TAF1B: variants seen among roughly 807,000 people sequenced by gnomAD.
TAF1B encodes the protein TATA-box binding protein associated factor, RNA polymerase I subunit B.
Under a neutral mutation model 83.9 loss-of-function variants are expected in TAF1B, and 61 were observed. That is an observed-to-expected ratio of 0.73 (90% CI 0.59 to 0.90). The LOEUF (loss-of-function observed/expected upper bound fraction) is 0.90. Among genes scored for constraint, TAF1B ranks in the 40% least tolerant of loss-of-function variants. TAF1B has a pLI of 0.00. For missense variants in TAF1B, 625 were observed against 677.0 expected (o/e 0.92, Z 0.85); for synonymous variants, 221 against 224.6 (o/e 0.98, Z 0.14).
chr2:9,883,818 T>C (rs1339015373), intron 8 of TAF1B, among the ~76,000 whole-genome samples: 1 of 152,228 alleles, frequency 6.6e-6, no homozygotes, highest in Non-Finnish European at 1.5e-5. Context: ...CCCTGAATAT[T>C]TTGTAAAATA....
At position 9,919,663 on chromosome 2, in the gene TAF1B, A is replaced by C. The variant is rs1665808151; in HGVS notation, c.1408A>C (p.Lys470Gln). ...CGAGTCAACAGCAACTGCTGGAAAA[A>C]AAAGCCCTTCAAGTTTTCAGTTCAA... ...LVESTATAGK[K>Q]SPSSFQFNWT... The change falls in exon 14 of 15, where the codon AAA (lysine) becomes CAA (glutamine). Residue 470 changes from lysine (K) to glutamine (Q), a missense_variant. Physicochemically the swap from Lys to Gln is moderately conservative, Grantham distance 53. Coordinates refer to ENST00000263663, the MANE Select transcript of TAF1B (RefSeq NM_005680.3). 1 of 1,614,104 alleles carries C rather than the reference A, an allele frequency of 6.2e-7. No individual in the cohort carries two copies. The highest frequency in any genetic ancestry group is 1.7e-5 in the Admixed American group (1 of 60,006).
chr2:9,892,981 ACTT>A lies in TAF1B; in HGVS notation c.807+10180_807+10182del, dbSNP rs1353259253. Among the ~76,000 whole-genome samples the A allele has an allele frequency of 2.6e-5, 4 of 152,196 alleles. No individual in the cohort carries two copies. In the East Asian group the frequency reaches 7.7e-4, roughly 29 times the overall value. ...AGGGACAGGGTAAAAAAGCAGAGAG[ACTT>A]CTTAGAGATTTTGGTGGAAGATATA... On this transcript the variant is annotated intron_variant, in intron 8 of 14. Coordinates refer to ENST00000263663, the MANE Select transcript of TAF1B (RefSeq NM_005680.3).
intron 5 of TAF1B, 21 bp downstream of exon 5, chr2:9,854,442 G>A: frequency 6.3e-7 from 1 of 1,583,432 alleles, no homozygotes; most frequent in Non-Finnish European, 8.7e-7. Flanking sequence ...AGTCTGAAAA[G>A]TTGGATTAAA....
chr2:9,845,752 G>A (rs879640265), intron 2 of TAF1B: 3 of 254,420 alleles, frequency 1.2e-5, no homozygotes, highest in Non-Finnish European at 2.3e-5. Flanking sequence ...GGAGGCTAAG[G>A]CAGGTGGATC....
intron 9 of TAF1B, 43 bp downstream of exon 9, chr2:9,905,049 A>C (rs762774094): frequency 1.1e-5 from 17 of 1,534,442 alleles, no homozygotes; most frequent in Non-Finnish European, 1.5e-5. Context: ...TAACTAGTAG[A>C]GTAATAATAA....
At chr2:9,881,115 C>G (rs1413728018) in intron 7 of TAF1B, among the ~76,000 whole-genome samples, 1 of 152,106 alleles carries the variant, frequency 6.6e-6, no homozygotes, top group Admixed American at 6.5e-5. Context: ...AGGCAGATCA[C>G]TTGAGGTCAG....
At chr2:9,866,398 G>A (rs287973) in intron 5 of TAF1B, among the ~76,000 whole-genome samples, 141,193 of 151,340 alleles carry the variant, frequency 0.93, 66,571 homozygotes, top group East Asian at 1. Context: ...ACCATCTCAC[G>A]CCAGTTAGAA....
chr2:9,866,441 T>A (rs62127128), intron 5 of TAF1B, among the ~76,000 whole-genome samples: 27,017 of 150,908 alleles, frequency 0.18, 3,078 homozygotes, highest in East Asian at 0.3. Flanking sequence ...AAACAACAGG[T>A]GCTGGAGAGG....
At chr2:9,864,826 C>G (rs1283958320) in intron 5 of TAF1B, among the ~76,000 whole-genome samples, 1 of 152,076 alleles carries the variant, frequency 6.6e-6, no homozygotes, top group African/African-American at 2.4e-5. Context: ...TAAACAGAAC[C>G]AAAGACAAAA....
intron 14 of TAF1B, among the ~76,000 whole-genome samples, chr2:9,932,090 C>T (rs920137887): frequency 2.6e-5 from 4 of 152,164 alleles, no homozygotes; most frequent in African/African-American, 9.7e-5. Context: ...AGGTTTTTAG[C>T]TTCCTTGCGA....
intron 5 of TAF1B, among the ~76,000 whole-genome samples, chr2:9,866,064 A>G (rs200887342): frequency 0.22 from 32,420 of 147,622 alleles, 2,857 homozygotes; most frequent in East Asian, 0.29. Flanking sequence ...AGCAATGGCA[A>G]CAAAAGCCAA....
intron 5 of TAF1B, among the ~76,000 whole-genome samples, chr2:9,856,074 T>C (rs1378718433): frequency 2.6e-5 from 4 of 152,212 alleles, no homozygotes; most frequent in Non-Finnish European, 5.9e-5. Context: ...GCTTGGGTTC[T>C]CATAGGTTTC....
intron 6 of TAF1B, among the ~76,000 whole-genome samples, chr2:9,871,955 T>A (rs549643159): frequency 1.3e-5 from 2 of 152,266 alleles, no homozygotes; most frequent in South Asian, 4.1e-4. Context: ...TAGAGACCCT[T>A]CTCTCTGGAG....
intron 8 of TAF1B, among the ~76,000 whole-genome samples, chr2:9,886,726 A>G (rs1009683013): frequency 2.0e-5 from 3 of 152,260 alleles, no homozygotes; most frequent in Non-Finnish European, 4.4e-5. Context: ...TATAATAGCC[A>G]TTGTGGCTTA....
chr2:9,859,041 T>G (rs1001167536), intron 5 of TAF1B, among the ~76,000 whole-genome samples: 4 of 152,252 alleles, frequency 2.6e-5, no homozygotes, highest in African/African-American at 9.6e-5. Flanking sequence ...TTTTCCTTTT[T>G]TACCTTGTCG....
intron 14 of TAF1B, among the ~76,000 whole-genome samples, chr2:9,929,139 C>A (rs1666131272): frequency 8.4e-6 from 1 of 119,108 alleles, no homozygotes. Flanking sequence ...GTCATTGGTT[C>A]TGTTTGTTGT....
At position 9,934,147 on chromosome 2, in the gene TAF1B, T is replaced by A. The variant is rs1666304474; in HGVS notation, c.*163T>A. On this transcript the variant is annotated 3_prime_UTR_variant, in exon 15 of 15. Coordinates refer to ENST00000263663, the MANE Select transcript of TAF1B (RefSeq NM_005680.3). ...AGTGTGCTTAGAAAAATGTATATTG[T>A]AAAGCAGGTGAGCTTCATTTGATTT... 2 of 586,668 alleles carry A rather than the reference T, an allele frequency of 3.4e-6. No individual in the cohort carries two copies. The highest frequency in any genetic ancestry group is 5.8e-6 in the Non-Finnish European group (2 of 344,152). 36.3% of individuals were successfully genotyped at this position (586,668 alleles called of 1,614,324 possible).
intron 10 of TAF1B, 81 bp downstream of exon 10, chr2:9,910,994 A>C: frequency 7.4e-7 from 1 of 1,344,302 alleles, no homozygotes; most frequent in Non-Finnish European, 1.0e-6. Flanking sequence ...AATGTCATGA[A>C]GACACTTTAA....
chr2:9,901,275 T>A (rs1038168543), intron 8 of TAF1B, among the ~76,000 whole-genome samples: 7 of 152,248 alleles, frequency 4.6e-5, no homozygotes, highest in Middle Eastern at 3.4e-3. Context: ...AAAGAAATTT[T>A]AAAAAATGAA....
Sources: gnomAD v4.1 joint callset for allele counts (sites outside exome capture counted in the v4.1 genomes callset) on GRCh38, gnomAD v4.1.1 for gene constraint, MANE v1.5 for transcripts, NCBI Gene and HGNC (gene_info 2026-07-23, HGNC 2026-07-21) for gene names.